Variants in TBC1D22A observed in about 807,000 individuals in gnomAD.
TBC1D22A encodes the protein TBC1 domain family member 22A.
TBC1D22A carries 38 observed loss-of-function variants against 60.2 expected under a neutral mutation model. The observed-to-expected ratio is 0.63, with a 90% CI of 0.49 to 0.83. The LOEUF (loss-of-function observed/expected upper bound fraction) is 0.83, where lower values mean the gene tolerates loss of function less well. Ranked by LOEUF, TBC1D22A falls within the 40% of genes least tolerant of loss-of-function variation. The pLI is 0.00. For missense variants in TBC1D22A, 628 were observed against 701.0 expected, an observed-to-expected ratio of 0.90 and a Z score of 1.18; for synonymous variants, 302 against 281.7, an observed-to-expected ratio of 1.07 and a Z score of -0.72.
At chr22:47,080,428 G>C (rs2064415894) in intron 11 of TBC1D22A, among the ~76,000 whole-genome samples, 1 of 152,102 alleles carries the variant, frequency 6.6e-6, no homozygotes, top group South Asian at 2.1e-4. Context: ...ATAGAATTAA[G>C]TTAGAAATTA....
At chr22:47,017,811 T>C (rs993729124) in intron 10 of TBC1D22A, among the ~76,000 whole-genome samples, 3 of 152,244 alleles carry the variant, frequency 2.0e-5, no homozygotes, top group African/African-American at 7.2e-5. Flanking sequence ...AAAACTTCCC[T>C]TGAAATTTAT....
At chr22:47,099,575 A>G (rs2065328144) in intron 11 of TBC1D22A, among the ~76,000 whole-genome samples, 1 of 151,648 alleles carries the variant, frequency 6.6e-6, no homozygotes, top group African/African-American at 2.4e-5. Flanking sequence ...CCTCCCGAGT[A>G]GCTGGGACTA....
At chr22:47,057,455 T>G (rs1029383689) in intron 11 of TBC1D22A, among the ~76,000 whole-genome samples, 2 of 152,206 alleles carry the variant, frequency 1.3e-5, no homozygotes, top group African/African-American at 4.8e-5. Context: ...CCGGGAGCCG[T>G]GGGCACATCC....
intron 12 of TBC1D22A, among the ~76,000 whole-genome samples, chr22:47,119,978 C>G (rs1053030901): frequency 1.3e-5 from 2 of 152,160 alleles, no homozygotes; most frequent in African/African-American, 4.8e-5. Context: ...CGGCACCCAT[C>G]CCATTCATGA....
chr22:46,774,179 A>G, intron 1 of TBC1D22A: 1 of 985,556 alleles, frequency 1.0e-6, no homozygotes, highest in Non-Finnish European at 1.2e-6. Flanking sequence ...TGGCTCCTCC[A>G]GGCTGGGGGA....
intron 4 of TBC1D22A, among the ~76,000 whole-genome samples, chr22:46,849,239 C>T (rs1300030310): frequency 1.3e-5 from 2 of 152,190 alleles, no homozygotes; most frequent in South Asian, 2.1e-4. Flanking sequence ...TGGATGCCTC[C>T]GTCCAAGTGG....
Position 47,111,371 on chromosome 22 carries a change from A to G in TBC1D22A, c.1330-137A>G, listed in dbSNP as rs149597880. 1.3e-5 allele frequency: 9 copies of G among 683,916 alleles called. No individual in the cohort carries two copies. In the East Asian group the frequency reaches 2.4e-4, roughly 18 times the overall value. The allele number at this position is 683,916 out of a possible 1,614,324, so 42.4% of individuals were successfully genotyped here. ...TGAGGATTTTGAAATTAAGGCATTA[A>G]GTAAAAGTGAGTCAACACAAGCTTT... On this transcript the variant is annotated intron_variant, in intron 11 of 12. Coordinates refer to ENST00000337137, the MANE Select transcript of TBC1D22A (RefSeq NM_014346.5).
chr22:46,874,821 G>A (rs1026792115), intron 4 of TBC1D22A, among the ~76,000 whole-genome samples: 2 of 151,978 alleles, frequency 1.3e-5, no homozygotes, highest in Non-Finnish European at 1.5e-5. Context: ...TGATCTGCCC[G>A]CCTTGGCCTC....
At chr22:46,903,734 C>G (rs957123469) in intron 7 of TBC1D22A, among the ~76,000 whole-genome samples, 1 of 152,196 alleles carries the variant, frequency 6.6e-6, no homozygotes, top group African/African-American at 2.4e-5. Flanking sequence ...TGTGAGACAG[C>G]CCCAGTGGAC....
chr22:47,047,234 T>G (rs1324490645), intron 11 of TBC1D22A, among the ~76,000 whole-genome samples: 1 of 152,228 alleles, frequency 6.6e-6, no homozygotes, highest in African/African-American at 2.4e-5. Flanking sequence ...TTGCTAGAAA[T>G]GCATGGCCTG....
At chr22:47,171,805 G>A (rs950835435) in intron 12 of TBC1D22A, among the ~76,000 whole-genome samples, 3 of 152,302 alleles carry the variant, frequency 2.0e-5, no homozygotes, top group East Asian at 1.9e-4. Flanking sequence ...CTCAGTGGAC[G>A]TAGGTCAGTC....
At chr22:46,909,030 G>A (rs1224420382) in intron 7 of TBC1D22A, among the ~76,000 whole-genome samples, 4 of 152,134 alleles carry the variant, frequency 2.6e-5, no homozygotes, top group African/African-American at 7.2e-5. Context: ...CACAGAGCCC[G>A]GGAGCTTGTT....
chr22:47,140,694 T>C (rs375112735), intron 12 of TBC1D22A, among the ~76,000 whole-genome samples: 1,737 of 152,356 alleles, frequency 0.011, 20 homozygotes, highest in African/African-American at 0.025. Flanking sequence ...CCCCTGCCTT[T>C]GCTCCTTCTG....
chr22:47,073,954 C>G (rs1382422572), intron 11 of TBC1D22A, among the ~76,000 whole-genome samples: 1 of 152,150 alleles, frequency 6.6e-6, no homozygotes, highest in African/African-American at 2.4e-5. Context: ...ATAGCAAGAC[C>G]TGATCTCTCT....
chr22:46,906,981 TACAC>T (rs2069527630), intron 7 of TBC1D22A, among the ~76,000 whole-genome samples: 1 of 150,988 alleles, frequency 6.6e-6, no homozygotes. Flanking sequence ...TTGGTGCACT[TACAC>T]TCTTCTCTGT....
intron 7 of TBC1D22A, among the ~76,000 whole-genome samples, chr22:46,910,592 CA>C (rs2069843597): frequency 6.6e-6 from 1 of 152,172 alleles, no homozygotes; most frequent in Non-Finnish European, 1.5e-5. Flanking sequence ...AGCTGGCAGG[CA>C]GCCCGAAGGT....
intron 11 of TBC1D22A, among the ~76,000 whole-genome samples, chr22:47,051,805 T>C (rs576314249): frequency 1.3e-5 from 2 of 152,352 alleles, no homozygotes; most frequent in South Asian, 2.1e-4. Flanking sequence ...TGTTCTGTCA[T>C]GAGTGGAGAA....
chr22:47,159,275 T>C (rs1196044109), intron 12 of TBC1D22A, among the ~76,000 whole-genome samples: 1 of 144,452 alleles, frequency 6.9e-6, no homozygotes, highest in South Asian at 2.2e-4. Context: ...ACACACACCA[T>C]GTATACACAC....
At chr22:47,049,009 T>A (rs1264636332) in intron 11 of TBC1D22A, among the ~76,000 whole-genome samples, 2 of 152,248 alleles carry the variant, frequency 1.3e-5, no homozygotes, top group Admixed American at 1.3e-4. Context: ...TTCAGGAGCT[T>A]GGCCTCCTGT....
Sources: allele counts gnomAD v4.1 joint callset (sites outside exome capture counted in the v4.1 genomes callset), GRCh38; gene constraint gnomAD v4.1.1; transcripts MANE v1.5; gene names NCBI Gene and HGNC (gene_info 2026-07-23, HGNC 2026-07-21).